XPA: variants seen among roughly 807,000 people sequenced by gnomAD.
The protein encoded by XPA is XPA, DNA damage recognition and repair factor, also known as DNA repair protein complementing XP-A cells.
A neutral mutation model predicts 35.7 loss-of-function variants in XPA; 27 were observed. The ratio of observed to expected loss-of-function variants is 0.76; its 90% CI spans 0.56 to 1.04. The LOEUF (loss-of-function observed/expected upper bound fraction) is 1.04, where lower values mean the gene tolerates loss of function less well. XPA is among the 50% of genes least tolerant of loss of function. XPA has a pLI of 0.00. For missense variants in XPA, 354 were observed against 342.7 expected, an observed-to-expected ratio of 1.03 and a Z score of -0.26; for synonymous variants, 133 against 118.4, an observed-to-expected ratio of 1.12 and a Z score of -0.80.
chr9:97,655,329 G>A, the XPA span, among the ~76,000 whole-genome samples: 3 of 152,094 alleles, frequency 2.0e-5, no homozygotes, highest in Admixed American at 6.5e-5. Context: ...TCCTGCCTTA[G>A]TCTCCATCCC....
At chr9:97,691,886 AAT>A (rs55944336) in intron 2 of XPA, among the ~76,000 whole-genome samples, 42,530 of 124,010 alleles carry the variant, frequency 0.34, 6,418 homozygotes, top group African/African-American at 0.38. Context: ...TTTCTAAATA[AAT>A]ATATATATAT....
At chr9:97,673,323 C>A (rs966566334), downstream of XPA, 1 of 152,040 alleles carries the variant, frequency 6.6e-6, no homozygotes, top group South Asian at 2.1e-4. Flanking sequence ...TAAAATGACT[C>A]CTGTCTCAAA....
chr9:97,686,653 G>A (rs939049765), intron 4 of XPA, among the ~76,000 whole-genome samples: 8 of 152,106 alleles, frequency 5.3e-5, no homozygotes, highest in Non-Finnish European at 1.0e-4. Context: ...GAGGCCAGGC[G>A]TGGCGGCTCA....
chr9:97,689,050 T>G (rs1398161645), intron 3 of XPA, among the ~76,000 whole-genome samples: 1 of 152,196 alleles, frequency 6.6e-6, no homozygotes. Flanking sequence ...AGAAAAAGAA[T>G]GGAAGAATAT....
rs779542593 is a variant in XPA at position 97,675,246 on chromosome 9, C to T, written c.*193G>A. 9.9e-6 allele frequency: 7 copies of T among 704,686 alleles called. No homozygotes were observed. The highest frequency in any genetic ancestry group is 1.7e-5 in the Non-Finnish European group (7 of 400,902). The allele number at this position is 704,686 out of a possible 1,614,324, so 43.7% of individuals were successfully genotyped here. A position where few individuals can be genotyped will look rare whatever the true frequency, so the allele number is the denominator to read the frequency against. On this transcript the variant is annotated 3_prime_UTR_variant, in exon 6 of 6. Transcript: ENST00000375128. ...CACAGACATGACATTGTGCACACAA[C>T]CAGGCCAGGTGACCTTCACTGAAAC...
intron 5 of XPA, among the ~76,000 whole-genome samples, chr9:97,676,872 C>T (rs564252435): frequency 1.2e-4 from 19 of 152,316 alleles, no homozygotes; most frequent in Admixed American, 7.2e-4. Flanking sequence ...CCAAACTCTT[C>T]ATTTCTTTCA....
rs186649588 is a variant in XPA at position 97,681,987 on chromosome 9, C to G, written c.673+2936G>C. ...AGTTAAAAAAACTGAACAGCAGTTT[C>G]TGCCTTGTATCTAACAAGGCAGAAC... On this transcript the variant is annotated intron_variant, in intron 5 of 5. Coordinates refer to ENST00000375128, the MANE Select transcript of XPA (RefSeq NM_000380.4). 4.8e-4 allele frequency among the ~76,000 whole-genome samples: 73 copies of G among 152,268 alleles called. 1 individual carries two copies. The highest frequency in any genetic ancestry group is 1.2e-3 in the Admixed American group (19 of 15,286).
chr9:97,664,743 G>T, the XPA span, among the ~76,000 whole-genome samples: 1 of 152,188 alleles, frequency 6.6e-6, no homozygotes, highest in Non-Finnish European at 1.5e-5. Context: ...CCAGCTATGT[G>T]CAGAGTCTCA....
At chr9:97,670,079 CT>C, downstream of XPA, 1 of 337,788 alleles carries the variant, frequency 3.0e-6, no homozygotes. Context: ...CCCGTCACTA[CT>C]CCTGCCTGAT....
At chr9:97,692,412 AAAAC>A (rs1198863002) in intron 2 of XPA, among the ~76,000 whole-genome samples, 6 of 152,336 alleles carry the variant, frequency 3.9e-5, no homozygotes, top group South Asian at 2.1e-4. Context: ...AAACTTTAAG[AAAAC>A]AAACAAACAA....
At chr9:97,693,979 C>T (rs2131406553) in intron 1 of XPA, among the ~76,000 whole-genome samples, 1 of 152,328 alleles carries the variant, frequency 6.6e-6, no homozygotes, top group South Asian at 2.1e-4. Flanking sequence ...AGTAAAACAG[C>T]ATCTATTCAC....
rs545729644 is a variant in XPA, at chr9:97,689,645, A to T, written c.284-6T>A. On this transcript the variant is annotated splice_region_variant and splice_polypyrimidine_tract_variant and intron_variant, in intron 2 of 5. Transcript: ENST00000375128. Reference sequence around the variant, plus strand: ...ATCAAATTCCATAACAGGTCCTAAGAAAAGGAAAATGAACTCTAGTTTCCT... The same window carrying T: ...ATCAAATTCCATAACAGGTCCTAAGTAAAGGAAAATGAACTCTAGTTTCCT... 5 of 1,566,792 alleles carry T rather than the reference A, an allele frequency of 3.2e-6. No homozygotes were observed. In the East Asian group the frequency reaches 6.7e-5, roughly 21 times the overall value.
At chr9:97,659,819 G>A in the XPA span, among the ~76,000 whole-genome samples, 63 of 152,240 alleles carry the variant, frequency 4.1e-4, no homozygotes, top group African/African-American at 1.4e-3. Context: ...GAATAACTCC[G>A]CCTAACATTC....
chr9:97,664,290 T>C, the XPA span: 2 of 1,083,324 alleles, frequency 1.8e-6, no homozygotes, highest in Non-Finnish European at 2.7e-6. Context: ...CACATATATA[T>C]GTGTGTGTAT....
intron 1 of XPA, 38 bp downstream of exon 1, chr9:97,697,083 G>T: frequency 6.6e-7 from 1 of 1,509,986 alleles, no homozygotes; most frequent in South Asian, 1.3e-5. Context: ...CCGGGGAGGC[G>T]GGGAGAGGGA....
the XPA span, chr9:97,661,169 T>C: frequency 6.8e-6 from 10 of 1,460,566 alleles, no homozygotes; most frequent in Non-Finnish European, 1.9e-6. Flanking sequence ...AATATATCTA[T>C]ATCTGTTTGA....
At chr9:97,663,008 G>A in the XPA span, 1 of 1,613,104 alleles carries the variant, frequency 6.2e-7, no homozygotes, top group Admixed American at 1.7e-5. Context: ...AGTTACATGT[G>A]CTAAGAGTTA....
At chr9:97,692,857 A>AC (rs1272976792) in intron 2 of XPA, among the ~76,000 whole-genome samples, 2 of 151,834 alleles carry the variant, frequency 1.3e-5, no homozygotes, top group East Asian at 1.9e-4. Flanking sequence ...ATCCCCAGCC[A>AC]CCCCCCAACC....
intron 5 of XPA, among the ~76,000 whole-genome samples, chr9:97,681,698 C>G (rs776283159): frequency 6.6e-6 from 1 of 152,116 alleles, no homozygotes; most frequent in Non-Finnish European, 1.5e-5. Context: ...ACGTTCCCAT[C>G]TAATATTAAG....
Sources: gnomAD v4.1 joint callset for allele counts (sites outside exome capture counted in the v4.1 genomes callset) on GRCh38, gnomAD v4.1.1 for gene constraint, MANE v1.5 for transcripts, NCBI Gene and HGNC (gene_info 2026-07-23, HGNC 2026-07-21) for gene names.